Variants in PITPNC1 observed in about 807,000 individuals in gnomAD.
The protein encoded by PITPNC1 is cytoplasmic phosphatidylinositol transfer protein 1.
A neutral mutation model predicts 44.7 loss-of-function variants in PITPNC1; 18 were observed. The observed-to-expected ratio is 0.40, with a 90% CI of 0.28 to 0.60. The LOEUF (loss-of-function observed/expected upper bound fraction) is 0.60, where lower values mean the gene tolerates loss of function less well. PITPNC1 is among the 20% of genes least tolerant of loss of function. PITPNC1 has a pLI of 0.39. For synonymous variants in PITPNC1, 141 were observed against 149.6 expected (o/e 0.94, Z 0.42); for missense variants, 290 against 418.4 (o/e 0.69, Z 2.68).
chr17:67,641,784 AATAATAAT>A (rs966594839), intron 6 of PITPNC1, among the ~76,000 whole-genome samples: 2 of 4,726 alleles, frequency 4.2e-4, no homozygotes, highest in Non-Finnish European at 8.2e-4. Context: ...CCTACCTCAA[AATAATAAT>A]AATAATAATA....
chr17:67,683,775 C>T (rs1280243989), intron 8 of PITPNC1, among the ~76,000 whole-genome samples: 6 of 151,198 alleles, frequency 4.0e-5, no homozygotes, highest in East Asian at 2.0e-4. Context: ...GTCAGGAGTT[C>T]GAGACCAGCC....
rs755133271 is a variant in PITPNC1, at chr17:67,380,057, C to CT, written c.48+1863dup. On this transcript the variant is annotated intron_variant, in intron 1 of 8. Coordinates refer to ENST00000581322, the MANE Select transcript of PITPNC1 (RefSeq NM_012417.4). ...GTGGAGGCCCTTCCTTCCTTCCTTC[C>CT]TTTTTTTTGTCTTTTCTTTTCTTTT... Among the ~76,000 whole-genome samples the CT allele has an allele frequency of 6.8e-4, 102 of 150,410 alleles. 1 individual carries two copies. Among genetic ancestry groups the CT allele is most frequent in the East Asian group, 1.8e-3 (9 of 5,142 alleles).
chr17:67,654,054 C>T lies in PITPNC1; in HGVS notation c.463-15454C>T, dbSNP rs536760916. Among the ~76,000 whole-genome samples, 5 of 152,256 alleles carry T rather than the reference C, an allele frequency of 3.3e-5. No individual in the cohort carries two copies. In the South Asian group the frequency reaches 6.2e-4, roughly 19 times the overall value. On this transcript the variant is annotated intron_variant, in intron 6 of 8. Coordinates refer to ENST00000581322, the MANE Select transcript of PITPNC1 (RefSeq NM_012417.4). ...CCCCAGGTGAAATCGCCTAAGGGAG[C>T]GGCCCATGACAGGGACAATCTGCTC...
chr17:67,542,004 A>G (rs1183413741), intron 2 of PITPNC1, among the ~76,000 whole-genome samples: 1 of 152,212 alleles, frequency 6.6e-6, no homozygotes, highest in African/African-American at 2.4e-5. Context: ...AGCAGATTCA[A>G]ATATCTAATA....
At chr17:67,416,154 T>G (rs1426429556) in intron 1 of PITPNC1, among the ~76,000 whole-genome samples, 1 of 151,704 alleles carries the variant, frequency 6.6e-6, no homozygotes, top group Non-Finnish European at 1.5e-5. Context: ...GACTTGGTCC[T>G]TTTTTTGTAC....
intron 1 of PITPNC1, among the ~76,000 whole-genome samples, chr17:67,493,677 A>G (rs1055332793): frequency 6.6e-6 from 1 of 152,194 alleles, no homozygotes; most frequent in Non-Finnish European, 1.5e-5. Context: ...TGACCTTGGA[A>G]ATACTGGAAA....
rs117216304 is a variant in PITPNC1 at position 67,411,963 on chromosome 17, G to A, written c.48+33761G>A. On this transcript the variant is annotated intron_variant, in intron 1 of 8. Coordinates refer to ENST00000581322, the MANE Select transcript of PITPNC1 (RefSeq NM_012417.4). ...CCAGAGTGCAAGCTCCCTTCCCATGGTACTGCACTTCTTCTGGAAAAAGCA... is the reference window on the plus strand; with the variant it reads ...CCAGAGTGCAAGCTCCCTTCCCATGATACTGCACTTCTTCTGGAAAAAGCA... Among the ~76,000 whole-genome samples, 1,292 of 152,194 alleles carry A rather than the reference G, an allele frequency of 8.5e-3. 12 individuals carry two copies. Among genetic ancestry groups the A allele is most frequent in the Non-Finnish European group, 0.013 (914 of 68,010 alleles).
chr17:67,526,301 T>C (rs990033707), intron 1 of PITPNC1, among the ~76,000 whole-genome samples: 1 of 152,230 alleles, frequency 6.6e-6, no homozygotes, highest in African/African-American at 2.4e-5. Context: ...AGAGCTCTGC[T>C]GACCCTAGAA....
rs775029827 is a variant in PITPNC1 at position 67,378,224 on chromosome 17, G to T, written c.48+22G>T. ...CGAGGTAAGCGCCGCGCCCGGCCCG[G>T]CCTCGCCCGCTCCGGGACCCCCGCC... On this transcript the variant is annotated intron_variant, in intron 1 of 8. Coordinates refer to ENST00000581322, the MANE Select transcript of PITPNC1 (RefSeq NM_012417.4). The T allele has an allele frequency of 1.5e-5, 22 of 1,478,358 alleles. No individual in the cohort carries two copies. The African/African-American group carries it at 2.5e-4, about 17-fold the overall frequency. The allele number at this position is 1,478,358 out of a possible 1,614,324, so 91.6% of individuals were successfully genotyped here.
chr17:67,394,261 T>C (rs1330054437), intron 1 of PITPNC1, among the ~76,000 whole-genome samples: 1 of 152,096 alleles, frequency 6.6e-6, no homozygotes, highest in African/African-American at 2.4e-5. Context: ...ACTCCTAGGC[T>C]CAAGTGATCC....
chr17:67,488,759 C>T (rs547507085), intron 1 of PITPNC1, among the ~76,000 whole-genome samples: 2 of 152,174 alleles, frequency 1.3e-5, no homozygotes, highest in African/African-American at 4.8e-5. Context: ...CCCTGGCAGC[C>T]GCCCGTCTCT....
rs556356581 is a variant in PITPNC1 at position 67,490,796 on chromosome 17, C to T, written c.49-42006C>T. On this transcript the variant is annotated intron_variant, in intron 1 of 8. Transcript: ENST00000581322. ...GGACTCTGGGTCCAATGGAGCTGAA[C>T]GTCAGCGCCTCTGTCCCCACGAAAA... is the stretch of plus-strand genomic sequence containing the variant. Among the ~76,000 whole-genome samples the T allele has an allele frequency of 2.9e-4, 44 of 152,300 alleles. 1 individual carries two copies. The highest frequency in any genetic ancestry group is 1.0e-3 in the African/African-American group (43 of 41,568).
chr17:67,387,138 A>G (rs1013528241), intron 1 of PITPNC1, among the ~76,000 whole-genome samples: 1 of 152,228 alleles, frequency 6.6e-6, no homozygotes, highest in Non-Finnish European at 1.5e-5. Flanking sequence ...ACAGCGTCGC[A>G]GGGCTGCACA....
Position 67,388,483 on chromosome 17 carries a change from G to A in PITPNC1, c.48+10281G>A, listed in dbSNP as rs550373089. On this transcript the variant is annotated intron_variant, in intron 1 of 8. Transcript: ENST00000581322. Reference sequence around the variant, plus strand: ...ATTACAGGTGCCCACCACCACGCCCGGCTAATTTTTGTATTTTTAGTAGAG... The same window carrying A: ...ATTACAGGTGCCCACCACCACGCCCAGCTAATTTTTGTATTTTTAGTAGAG... 9.9e-4 allele frequency among the ~76,000 whole-genome samples: 151 copies of A among 151,796 alleles called. 3 individuals are homozygous for A. The South Asian group carries it at 0.019, about 19-fold the overall frequency.
rs1046888700 is a variant in PITPNC1 at position 67,475,738 on chromosome 17, T to C, written c.49-57064T>C. ...GGACTGGAAGGGGAGGGAATGCGTG[T>C]TTGCTTTGTAGGTTGTGCATCAGTA... On this transcript the variant is annotated intron_variant, in intron 1 of 8. Coordinates refer to ENST00000581322, the MANE Select transcript of PITPNC1 (RefSeq NM_012417.4). 5.9e-5 allele frequency among the ~76,000 whole-genome samples: 9 copies of C among 152,154 alleles called. 1 individual carries two copies. Among genetic ancestry groups the C allele is most frequent in the Admixed American group, 5.9e-4 (9 of 15,272 alleles).
chr17:67,400,929 GT>G (rs1555647287), intron 1 of PITPNC1, among the ~76,000 whole-genome samples: 3 of 150,128 alleles, frequency 2.0e-5, no homozygotes, highest in Non-Finnish European at 4.4e-5. Context: ...CTTTCTTTCT[GT>G]TTTTTTTTGG....
chr17:67,388,283 A>C (rs372410074), intron 1 of PITPNC1, among the ~76,000 whole-genome samples: 1 of 150,674 alleles, frequency 6.6e-6, no homozygotes, highest in Non-Finnish European at 1.5e-5. Flanking sequence ...TTTCCTCCCA[A>C]TTCCCGGAGG....
At chr17:67,538,342 G>A (rs1020033975) in intron 2 of PITPNC1, among the ~76,000 whole-genome samples, 1 of 152,178 alleles carries the variant, frequency 6.6e-6, no homozygotes, top group Non-Finnish European at 1.5e-5. Flanking sequence ...GCTCATGCCT[G>A]TAATCCCAAC....
At chr17:67,409,986 C>T (rs1476070366) in intron 1 of PITPNC1, among the ~76,000 whole-genome samples, 1 of 152,136 alleles carries the variant, frequency 6.6e-6, no homozygotes, top group African/African-American at 2.4e-5. Flanking sequence ...CTTGAACGTG[C>T]GTGCGTGAGT....
Sources: gnomAD v4.1 joint callset for allele counts (sites outside exome capture counted in the v4.1 genomes callset) on GRCh38, gnomAD v4.1.1 for gene constraint, MANE v1.5 for transcripts, NCBI Gene and HGNC (gene_info 2026-07-23, HGNC 2026-07-21) for gene names.